The following TLE1 variants were observed in gnomAD, a reference collection of about 807,000 sequenced individuals.
TLE1 encodes TLE family member 1, transcriptional corepressor.
Under a neutral mutation model 89.8 loss-of-function variants are expected in TLE1, and 21 were observed. The observed-to-expected ratio is 0.23, with a 90% CI of 0.17 to 0.34. TLE1 has a LOEUF of 0.34. Ranked by LOEUF, TLE1 falls within the 10% of genes least tolerant of loss-of-function variation. The pLI is 1.00. For missense variants in TLE1, 795 were observed against 1,031.2 expected, an observed-to-expected ratio of 0.77 and a Z score of 3.14; for synonymous variants, 447 against 407.6, an observed-to-expected ratio of 1.10 and a Z score of -1.16.
At chr9:81,606,457 T>A (rs1394468624) in intron 14 of TLE1, among the ~76,000 whole-genome samples, 1 of 152,214 alleles carries the variant, frequency 6.6e-6, no homozygotes, top group East Asian at 1.9e-4. Flanking sequence ...AAGGATGAGT[T>A]CATGTCCTTT....
chr9:81,685,231 T>C, intron 4 of TLE1, among the ~76,000 whole-genome samples: 1 of 152,218 alleles, frequency 6.6e-6, no homozygotes, highest in Non-Finnish European at 1.5e-5. Context: ...ACTCCACAGA[T>C]AGTCATATAC....
intron 8 of TLE1, among the ~76,000 whole-genome samples, chr9:81,628,488 C>G (rs891175048): frequency 6.6e-6 from 1 of 152,140 alleles, no homozygotes; most frequent in African/African-American, 2.4e-5. Flanking sequence ...AGCCTCACAT[C>G]TTAACTCCTC....
intron 8 of TLE1, 83 bp downstream of exon 8, chr9:81,633,265 G>A: frequency 6.2e-7 from 1 of 1,601,354 alleles, no homozygotes; most frequent in Non-Finnish European, 8.5e-7. Flanking sequence ...TGCCTGTGTG[G>A]AGAAGTGTTG....
intron 12 of TLE1, 102 bp from the exon 13 acceptor site, chr9:81,612,061 G>A: frequency 1.0e-6 from 1 of 956,896 alleles, no homozygotes; most frequent in South Asian, 4.0e-5. Context: ...CATGGGGAGA[G>A]AGAAAGAGGT....
intron 14 of TLE1, among the ~76,000 whole-genome samples, chr9:81,593,671 C>G (rs1457479345): frequency 6.6e-6 from 1 of 152,022 alleles, no homozygotes; most frequent in African/African-American, 2.4e-5. Context: ...ATTGTTTTCC[C>G]TGCTAAAGAT....
intron 4 of TLE1, 89 bp downstream of exon 4, chr9:81,685,587 C>A: frequency 1.5e-6 from 2 of 1,354,932 alleles, no homozygotes; most frequent in South Asian, 1.3e-5. Flanking sequence ...AACCCCCACC[C>A]CTAGAGCCCA....
intron 12 of TLE1, 147 bp downstream of exon 12, chr9:81,613,230 T>C: frequency 3.5e-6 from 4 of 1,156,914 alleles, no homozygotes; most frequent in Non-Finnish European, 4.8e-6. Flanking sequence ...ATCTGTTTCT[T>C]ATCATGGCTT....
chr9:81,684,709 T>C (rs113954130), intron 4 of TLE1, among the ~76,000 whole-genome samples: 18 of 152,342 alleles, frequency 1.2e-4, no homozygotes, highest in African/African-American at 4.1e-4. Context: ...CACTTTGAAA[T>C]GTGTCCAACT....
In TLE1 at chr9:81,642,719, G is replaced by GAAAGAAAGC. The variant is rs1554686050; in HGVS notation, c.373-8419_373-8418insGCTTTCTTT. ...AAAAAATGAAAGAAAAGAAAGAAAG[G>GAAAGAAAGC]AAAGAAAGAAAGAAAGAGAGAGAAA... On this transcript the variant is annotated intron_variant, in intron 6 of 19. Transcript: ENST00000376499. Among the ~76,000 whole-genome samples the GAAAGAAAGC allele has an allele frequency of 2.7e-5, 4 of 150,834 alleles. No individual in the cohort carries two copies. The Admixed American group carries it at 2.7e-4, about 10-fold the overall frequency.
intron 8 of TLE1, 50 bp from the exon 9 acceptor site, chr9:81,620,607 C>G: frequency 6.3e-7 from 1 of 1,580,010 alleles, no homozygotes; most frequent in Non-Finnish European, 8.6e-7. Context: ...CCTCTTTGTA[C>G]ACATGAAACC....
chr9:81,593,419 G>A lies in TLE1; in HGVS notation c.1332-145C>T, dbSNP rs1387884212. ...GTTTCCTTTGAAATCAATACAAATTGAAGCATTTACTGCTGGTGCAAATTT... is the reference window on the plus strand; with the variant it reads ...GTTTCCTTTGAAATCAATACAAATTAAAGCATTTACTGCTGGTGCAAATTT... On this transcript the variant is annotated intron_variant, in intron 14 of 19. Transcript: ENST00000376499. The A allele has an allele frequency of 3.4e-6, 4 of 1,183,338 alleles. No homozygotes were observed. The Admixed American group carries it at 1.2e-4, about 36-fold the overall frequency. 73.3% of individuals were successfully genotyped at this position (1,183,338 alleles called of 1,614,324 possible). A position where few individuals can be genotyped will look rare whatever the true frequency, so the allele number is the denominator to read the frequency against.
chr9:81,630,626 C>T (rs905749348), intron 8 of TLE1, among the ~76,000 whole-genome samples: 1 of 152,150 alleles, frequency 6.6e-6, no homozygotes, highest in Non-Finnish European at 1.5e-5. Flanking sequence ...GGCCATAAGG[C>T]TTTGAAAATC....
chr9:81,642,224 CA>C (rs1037405011), intron 6 of TLE1, among the ~76,000 whole-genome samples: 3 of 152,124 alleles, frequency 2.0e-5, no homozygotes, highest in Non-Finnish European at 4.4e-5. Flanking sequence ...ACTACTTTCT[CA>C]AAAAGGTTAA....
At chr9:81,674,118 C>T (rs1277773288) in intron 4 of TLE1, among the ~76,000 whole-genome samples, 1 of 152,122 alleles carries the variant, frequency 6.6e-6, no homozygotes, top group Non-Finnish European at 1.5e-5. Context: ...CTAGATGTTC[C>T]CACACAGAGA....
At chr9:81,611,088 G>A (rs998610491) in intron 13 of TLE1, among the ~76,000 whole-genome samples, 3 of 152,226 alleles carry the variant, frequency 2.0e-5, no homozygotes, top group African/African-American at 7.2e-5. Flanking sequence ...CAAGAGAAAT[G>A]ACGGTGGGAC....
At chr9:81,657,807 A>G (rs529329420) in intron 4 of TLE1, among the ~76,000 whole-genome samples, 2 of 152,242 alleles carry the variant, frequency 1.3e-5, no homozygotes, top group South Asian at 4.1e-4. Flanking sequence ...AGATTACTTA[A>G]AATACCTAAT....
chr9:81,585,706 A>T, intron 17 of TLE1, 51 bp from the exon 18 acceptor site: 1 of 1,595,558 alleles, frequency 6.3e-7, no homozygotes, highest in Non-Finnish European at 8.6e-7. Flanking sequence ...TACACTTAGG[A>T]AGGGAAGACG....
intron 2 of TLE1, 79 bp downstream of exon 2, chr9:81,687,255 A>C: frequency 8.2e-7 from 1 of 1,218,276 alleles, no homozygotes; most frequent in Admixed American, 2.1e-5. Context: ...AACTAAGTAC[A>C]GGCGCCGCCG....
chr9:81,639,454 ATTC>A (rs1228170606), intron 6 of TLE1, among the ~76,000 whole-genome samples: 1 of 152,046 alleles, frequency 6.6e-6, no homozygotes, highest in African/African-American at 2.4e-5. Context: ...GAGGAAATTT[ATTC>A]TTCTATCTAG....
Sources: gnomAD v4.1 joint callset for allele counts (sites outside exome capture counted in the v4.1 genomes callset) on GRCh38, gnomAD v4.1.1 for gene constraint, MANE v1.5 for transcripts, NCBI Gene and HGNC (gene_info 2026-07-23, HGNC 2026-07-21) for gene names.